Variants in FHIT observed in about 807,000 individuals in gnomAD.
FHIT encodes bis(5'-adenosyl)-triphosphatase.
FHIT carries 19 observed loss-of-function variants against 17.9 expected under a neutral mutation model. That is an observed-to-expected ratio of 1.06 (90% CI 0.74 to 1.56). The LOEUF (loss-of-function observed/expected upper bound fraction) is 1.56. Among genes scored for constraint, FHIT ranks in the 40% most tolerant of loss-of-function variants. The pLI, the probability that FHIT is intolerant of heterozygous loss-of-function variation, is 0.00. For missense variants in FHIT, 248 were observed against 189.2 expected (o/e 1.31, Z -1.82); for synonymous variants, 81 against 69.7 (o/e 1.16, Z -0.81).
At chr3:59,776,305 A>G (rs1702311953) in intron 8 of FHIT, among the ~76,000 whole-genome samples, 2 of 152,178 alleles carry the variant, frequency 1.3e-5, no homozygotes, top group African/African-American at 4.8e-5. Context: ...ACTGAGACAG[A>G]CCGCTGCTGT....
intron 7 of FHIT, among the ~76,000 whole-genome samples, chr3:59,989,698 T>C (rs1171737928): frequency 6.6e-6 from 1 of 152,080 alleles, no homozygotes. Context: ...GGTGTCTTCA[T>C]AGGGAGTCAT....
chr3:59,763,877 TCC>T (rs1701655516), intron 8 of FHIT, among the ~76,000 whole-genome samples: 1 of 152,150 alleles, frequency 6.6e-6, no homozygotes, highest in Non-Finnish European at 1.5e-5. Flanking sequence ...TGGGAAAATC[TCC>T]CTTCCCTTTA....
chr3:60,711,976 T>A (rs2041546766), intron 4 of FHIT, among the ~76,000 whole-genome samples: 1 of 152,134 alleles, frequency 6.6e-6, no homozygotes, highest in Admixed American at 6.5e-5. Flanking sequence ...AATTGTCAGA[T>A]TCACCAAAGT....
chr3:59,838,242 G>C (rs1258074695), intron 8 of FHIT, among the ~76,000 whole-genome samples: 3 of 151,988 alleles, frequency 2.0e-5, no homozygotes, highest in African/African-American at 7.3e-5. Context: ...CAAACAACCT[G>C]CCCTCAATGC....
intron 8 of FHIT, among the ~76,000 whole-genome samples, chr3:59,864,833 A>AGAG (rs1553700020): frequency 3.7e-5 from 5 of 136,584 alleles, no homozygotes; most frequent in East Asian, 2.1e-4. Flanking sequence ...AGAGAGAGAG[A>AGAG]AAAAAAAAAA....
chr3:60,937,551 T>TC (rs1448491392), intron 3 of FHIT, among the ~76,000 whole-genome samples: 1 of 118,360 alleles, frequency 8.4e-6, no homozygotes, highest in Non-Finnish European at 1.8e-5. Flanking sequence ...TTTTTTTTTC[T>TC]TTTTTCTTTT....
intron 5 of FHIT, among the ~76,000 whole-genome samples, chr3:60,349,937 C>G: frequency 6.6e-6 from 1 of 152,114 alleles, no homozygotes; most frequent in East Asian, 1.9e-4. Context: ...TTAGAATTTC[C>G]TGATTCATTC....
intron 3 of FHIT, among the ~76,000 whole-genome samples, chr3:60,957,675 G>T (rs770811502): frequency 3.3e-5 from 5 of 152,202 alleles, no homozygotes; most frequent in Non-Finnish European, 7.3e-5. Context: ...ACAAAACTGG[G>T]AGACACAGAA....
intron 1 of FHIT, among the ~76,000 whole-genome samples, chr3:61,205,646 T>G (rs1214631532): frequency 6.6e-6 from 1 of 152,244 alleles, no homozygotes; most frequent in Non-Finnish European, 1.5e-5. Flanking sequence ...GTTCTTATCC[T>G]TTTCCCACTT....
chr3:60,709,183 T>G, intron 4 of FHIT, among the ~76,000 whole-genome samples: 1 of 152,334 alleles, frequency 6.6e-6, no homozygotes, highest in Middle Eastern at 3.4e-3. Context: ...ACTATGAATT[T>G]ATTTTAAAAT....
intron 1 of FHIT, among the ~76,000 whole-genome samples, chr3:61,207,173 T>C (rs530517036): frequency 6.6e-6 from 1 of 152,314 alleles, no homozygotes; most frequent in Non-Finnish European, 1.5e-5. Context: ...TGAAACCCAC[T>C]TGATCATGGT....
chr3:60,126,811 G>A (rs1207000728), intron 5 of FHIT, among the ~76,000 whole-genome samples: 3 of 152,140 alleles, frequency 2.0e-5, no homozygotes, highest in Admixed American at 6.5e-5. Flanking sequence ...GGGATTTTCA[G>A]AAAGCCTAGT....
intron 6 of FHIT, among the ~76,000 whole-genome samples, chr3:60,012,383 C>T (rs1423988203): frequency 6.6e-6 from 1 of 151,056 alleles, no homozygotes; most frequent in Non-Finnish European, 1.5e-5. Flanking sequence ...ATTCTCCTGC[C>T]TCAGCCTCCT....
intron 3 of FHIT, among the ~76,000 whole-genome samples, chr3:60,911,726 A>C (rs1706755092): frequency 6.6e-6 from 1 of 152,142 alleles, no homozygotes; most frequent in South Asian, 2.1e-4. Context: ...ATGGTTTTTA[A>C]AAGAAGTATT....
chr3:61,116,375 C>T (rs1278679482), intron 2 of FHIT, among the ~76,000 whole-genome samples: 1 of 152,036 alleles, frequency 6.6e-6, no homozygotes, highest in Admixed American at 6.6e-5. Context: ...CCATTATTAG[C>T]CTGTGACTTT....
intron 3 of FHIT, among the ~76,000 whole-genome samples, chr3:60,940,451 C>G (rs923450784): frequency 3.3e-5 from 5 of 152,198 alleles, no homozygotes; most frequent in African/African-American, 9.6e-5. Flanking sequence ...AAAATAAGAA[C>G]TAGTGGATAT....
At chr3:60,052,423 A>G (rs1226771839) in intron 5 of FHIT, among the ~76,000 whole-genome samples, 1 of 152,170 alleles carries the variant, frequency 6.6e-6, no homozygotes, top group Non-Finnish European at 1.5e-5. Context: ...TTGGTAACTC[A>G]TTCTGAGGGC....
chr3:60,224,064 A>G (rs1354481117), intron 5 of FHIT, among the ~76,000 whole-genome samples: 1 of 152,204 alleles, frequency 6.6e-6, no homozygotes, highest in Non-Finnish European at 1.5e-5. Flanking sequence ...AACATTAACA[A>G]TAATAGCAAA....
intron 5 of FHIT, among the ~76,000 whole-genome samples, chr3:60,286,115 C>T (rs558670182): frequency 2.0e-4 from 31 of 152,284 alleles, no homozygotes; most frequent in African/African-American, 7.2e-4. Flanking sequence ...GTGCATCCTA[C>T]TCTATTCTCT....
Sources: allele counts gnomAD v4.1 joint callset (sites outside exome capture counted in the v4.1 genomes callset), GRCh38; gene constraint gnomAD v4.1.1; transcripts MANE v1.5; gene names NCBI Gene and HGNC (gene_info 2026-07-23, HGNC 2026-07-21).